Variants in ITFG1 observed in about 807,000 individuals in gnomAD.
ITFG1 encodes the protein T-cell immunomodulatory protein.
A neutral mutation model predicts 81.8 loss-of-function variants in ITFG1; 34 were observed. The ratio of observed to expected loss-of-function variants is 0.42; its 90% CI spans 0.32 to 0.55. The LOEUF (loss-of-function observed/expected upper bound fraction) is 0.55, where lower values mean the gene tolerates loss of function less well. Among genes scored for constraint, ITFG1 ranks in the 20% least tolerant of loss-of-function variants. The pLI is 0.17. For missense variants in ITFG1, 672 were observed against 755.4 expected (o/e 0.89, Z 1.29); for synonymous variants, 285 against 270.6 (o/e 1.05, Z -0.52).
At position 47,158,967 on chromosome 16, in the gene ITFG1, G is replaced by A; in HGVS notation, c.1685C>T (p.Thr562Ile). Residue 562 changes from threonine to isoleucine, a missense_variant, in exon 17 of 18, where the codon ACA becomes ATA. Physicochemically the swap from Thr to Ile is moderately conservative, Grantham distance 89 (BLOSUM62 -1). Coordinates refer to ENST00000320640, the MANE Select transcript of ITFG1 (RefSeq NM_030790.5). ...AGTAAGCAGAACAATATTACTTGGT[G>A]TAAGATACAGTTTGGCACTCCAACT... ...PRSWSAKLYL[T>I]PSNIVLLTAI... is the part of the protein sequence containing the mutation. The A allele has an allele frequency of 6.4e-7, 1 of 1,561,266 alleles. No individual in the cohort carries two copies. Among genetic ancestry groups the A allele is most frequent in the South Asian group, 1.2e-5 (1 of 82,184 alleles).
chr16:47,321,678 C>T (rs1210237436), intron 8 of ITFG1, among the ~76,000 whole-genome samples: 1 of 152,040 alleles, frequency 6.6e-6, no homozygotes, highest in Non-Finnish European at 1.5e-5. Context: ...CCAGCCTGGA[C>T]AACACAGCAA....
chr16:47,398,101 C>T (rs1358100282), intron 6 of ITFG1, among the ~76,000 whole-genome samples: 1 of 152,140 alleles, frequency 6.6e-6, no homozygotes, highest in Non-Finnish European at 1.5e-5. Context: ...CACATTTGAC[C>T]ACACACACAG....
rs529740144 is a variant in ITFG1 at position 47,377,250 on chromosome 16, A to C, written c.656-1310T>G. 4.6e-5 allele frequency among the ~76,000 whole-genome samples: 7 copies of C among 152,268 alleles called. No individual in the cohort carries two copies. In the South Asian group the frequency reaches 1.5e-3, roughly 32 times the overall value. On this transcript the variant is annotated intron_variant, in intron 6 of 17. Coordinates refer to ENST00000320640, the MANE Select transcript of ITFG1 (RefSeq NM_030790.5). ...TCCAAGTGGAACCATTCTTTTGTCC[A>C]TGTATCAAATAGCTCTGTATTTATT...
chr16:47,295,582 T>C (rs1248955554), intron 10 of ITFG1, among the ~76,000 whole-genome samples: 2 of 152,234 alleles, frequency 1.3e-5, no homozygotes, highest in Non-Finnish European at 2.9e-5. Context: ...CTAGGTTTTC[T>C]AGTTTGTGAG....
At chr16:47,264,928 C>A (rs1456742360) in intron 10 of ITFG1, among the ~76,000 whole-genome samples, 2 of 151,976 alleles carry the variant, frequency 1.3e-5, no homozygotes. Flanking sequence ...ATTTTTAGAT[C>A]TTTTATTGTT....
At chr16:47,335,944 A>G (rs1967698850) in intron 8 of ITFG1, among the ~76,000 whole-genome samples, 1 of 152,232 alleles carries the variant, frequency 6.6e-6, no homozygotes, top group African/African-American at 2.4e-5. Context: ...TAGTAACCCC[A>G]AACTGGAAAT....
rs562877922 is a variant in ITFG1 at position 47,197,492 on chromosome 16, T to G, written c.1453+21376A>C. Among the ~76,000 whole-genome samples the G allele has an allele frequency of 4.6e-5, 7 of 152,358 alleles. No homozygotes were observed. The South Asian group carries it at 1.4e-3, about 32-fold the overall frequency. On this transcript the variant is annotated intron_variant, in intron 14 of 17. Coordinates refer to ENST00000320640, the MANE Select transcript of ITFG1 (RefSeq NM_030790.5). ...CAATGTATATCTTACATGTATTGCTTTATGTATTTACCTATAACTTCTGTC... is the reference window on the plus strand; with the variant it reads ...CAATGTATATCTTACATGTATTGCTGTATGTATTTACCTATAACTTCTGTC...
intron 5 of ITFG1, among the ~76,000 whole-genome samples, chr16:47,442,418 AC>A (rs1969264632): frequency 6.6e-6 from 1 of 152,112 alleles, no homozygotes; most frequent in African/African-American, 2.4e-5. Context: ...GTCATACAGA[AC>A]CAAAAAAGAG....
At chr16:47,410,755 T>C (rs185196472) in intron 6 of ITFG1, among the ~76,000 whole-genome samples, 16 of 152,116 alleles carry the variant, frequency 1.1e-4, no homozygotes, top group African/African-American at 3.4e-4. Context: ...CCCATAGACG[T>C]TGGAATTGGC....
intron 14 of ITFG1, among the ~76,000 whole-genome samples, chr16:47,166,426 G>T (rs1377306983): frequency 6.6e-6 from 1 of 152,170 alleles, no homozygotes; most frequent in Non-Finnish European, 1.5e-5. Flanking sequence ...TCCAAGGCAA[G>T]TGCATGCATA....
At chr16:47,216,855 G>A (rs1441419567) in intron 14 of ITFG1, among the ~76,000 whole-genome samples, 1 of 150,604 alleles carries the variant, frequency 6.6e-6, no homozygotes, top group Non-Finnish European at 1.5e-5. Context: ...ATGGGGCTTT[G>A]TCATGTTGGC....
intron 8 of ITFG1, among the ~76,000 whole-genome samples, chr16:47,330,375 G>A (rs1211608544): frequency 6.6e-6 from 1 of 152,076 alleles, no homozygotes; most frequent in South Asian, 2.1e-4. Flanking sequence ...TTTGGGACAT[G>A]TCCCTAGGAA....
Position 47,222,419 on chromosome 16 carries a change from T to C in ITFG1, c.1375-3473A>G, listed in dbSNP as rs572907026. 1.8e-3 allele frequency among the ~76,000 whole-genome samples: 267 copies of C among 149,470 alleles called. 2 individuals carry two copies. The highest frequency in any genetic ancestry group is 5.9e-3 in the African/African-American group (242 of 40,994). On this transcript the variant is annotated intron_variant, in intron 13 of 17. Coordinates refer to ENST00000320640, the MANE Select transcript of ITFG1 (RefSeq NM_030790.5). ...GTTTTGAGTGAGTTTCTTTCTTTTT[T>C]TTTTTTTTTTTTGAGACGAAGTCTC...
chr16:47,247,400 T>C (rs1010998585), intron 12 of ITFG1, among the ~76,000 whole-genome samples: 3 of 152,210 alleles, frequency 2.0e-5, no homozygotes, highest in East Asian at 1.9e-4. Context: ...TAGTAGTTCA[T>C]CTTCTGTTAT....
At chr16:47,415,768 C>T (rs1409399343) in intron 6 of ITFG1, among the ~76,000 whole-genome samples, 3 of 152,090 alleles carry the variant, frequency 2.0e-5, no homozygotes, top group Admixed American at 6.5e-5. Context: ...CTCTCATGAG[C>T]CTTTCTTCAG....
intron 6 of ITFG1, among the ~76,000 whole-genome samples, chr16:47,393,346 T>C (rs1021761409): frequency 1.3e-5 from 2 of 152,178 alleles, no homozygotes; most frequent in African/African-American, 4.8e-5. Context: ...TATGAGGCAG[T>C]GCACCATACA....
intron 14 of ITFG1, among the ~76,000 whole-genome samples, chr16:47,186,381 A>G (rs1267072773): frequency 2.0e-5 from 3 of 152,170 alleles, no homozygotes; most frequent in African/African-American, 7.2e-5. Flanking sequence ...GGCAAACCGA[A>G]TCCAGCAACA....
chr16:47,332,164 G>A (rs1967645392), intron 8 of ITFG1, among the ~76,000 whole-genome samples: 2 of 151,550 alleles, frequency 1.3e-5, no homozygotes, highest in Admixed American at 6.6e-5. Flanking sequence ...TGCACATTGT[G>A]CACAGGTACC....
chr16:47,364,921 A>G (rs1288883850), intron 8 of ITFG1, among the ~76,000 whole-genome samples: 2 of 152,228 alleles, frequency 1.3e-5, no homozygotes, highest in African/African-American at 4.8e-5. Context: ...TGAATTCCTG[A>G]GCTCAAACAG....
Sources: gnomAD v4.1 joint callset for allele counts (sites outside exome capture counted in the v4.1 genomes callset) on GRCh38, gnomAD v4.1.1 for gene constraint, MANE v1.5 for transcripts, NCBI Gene and HGNC (gene_info 2026-07-23, HGNC 2026-07-21) for gene names.